The following LDB3 variants were observed in gnomAD, a reference collection of about 807,000 sequenced individuals.
The protein encoded by LDB3 is LIM domain binding 3, also known as LIM domain-binding protein 3.
LDB3 carries 49 observed loss-of-function variants against 69.0 expected under a neutral mutation model. The observed-to-expected ratio is 0.71, with a 90% CI of 0.56 to 0.90. The LOEUF (loss-of-function observed/expected upper bound fraction) is 0.90. Among genes scored for constraint, LDB3 ranks in the 40% least tolerant of loss-of-function variants. LDB3 has a pLI of 0.00. For synonymous variants in LDB3, 387 were observed against 396.2 expected (o/e 0.98, Z 0.28); for missense variants, 928 against 974.1 (o/e 0.95, Z 0.63).
At chr10:86,698,694 C>A (rs1368221296) in intron 7 of LDB3, among the ~76,000 whole-genome samples, 1 of 152,058 alleles carries the variant, frequency 6.6e-6, no homozygotes, top group East Asian at 1.9e-4. Flanking sequence ...TCAGGCCTGG[C>A]GAGCAGGGGT....
chr10:86,732,391 T>A (rs1847499090), intron 13 of LDB3: 1 of 385,872 alleles, frequency 2.6e-6, no homozygotes, highest in Non-Finnish European at 5.0e-6. Flanking sequence ...TCTTCAGGAA[T>A]CTTAGTTTTT....
rs539793135 is a variant in LDB3 at position 86,712,119 on chromosome 10, C to G, written c.1231+2069C>G. ...CGAAGCGCCACTGCCTGCTCGCCCC[C>G]CGACGGAGTCGGGGTTGCGACGGGG... On this transcript the variant is annotated intron_variant, in intron 9 of 13. Coordinates refer to ENST00000361373, the MANE Select transcript of LDB3 (RefSeq NM_007078.3). 1.2e-4 allele frequency among the ~76,000 whole-genome samples: 19 copies of G among 152,164 alleles called. No individual in the cohort carries two copies. In the South Asian group the frequency reaches 3.3e-3, roughly 27 times the overall value.
intron 2 of LDB3, among the ~76,000 whole-genome samples, chr10:86,678,340 CTT>C (rs59059288): frequency 3.5e-4 from 41 of 115,944 alleles, no homozygotes; most frequent in Middle Eastern, 7.9e-3. Context: ...CCTGGCCACC[CTT>C]TTTTTTTTTT....
At chr10:86,680,036 C>T in intron 3 of LDB3, 46 bp from the exon 4 acceptor site, 1 of 1,553,744 alleles carries the variant, frequency 6.4e-7, no homozygotes, top group Non-Finnish European at 8.9e-7. Context: ...GAGCTTCTGG[C>T]CCCAGGGGCA....
intron 3 of LDB3, 132 bp from the exon 4 acceptor site, chr10:86,679,950 G>A: frequency 1.3e-6 from 1 of 796,760 alleles, no homozygotes; most frequent in Non-Finnish European, 2.2e-6. Flanking sequence ...TGGATCTGGG[G>A]CCCTCTGACT....
intron 2 of LDB3, among the ~76,000 whole-genome samples, chr10:86,674,073 C>G (rs964590157): frequency 2.5e-4 from 38 of 152,278 alleles, no homozygotes; most frequent in African/African-American, 9.1e-4. Context: ...GCTCCTCAAG[C>G]TCCACCCTCT....
chr10:86,706,365 C>T (rs1325249856), intron 7 of LDB3, among the ~76,000 whole-genome samples, 166 bp from the exon 8 acceptor site: 2 of 152,198 alleles, frequency 1.3e-5, no homozygotes, highest in Non-Finnish European at 2.9e-5. Context: ...GGAGCTCCTT[C>T]CCTGAGCTGG....
intron 7 of LDB3, among the ~76,000 whole-genome samples, chr10:86,696,980 G>C (rs1203632641): frequency 6.6e-6 from 1 of 152,116 alleles, no homozygotes; most frequent in Non-Finnish European, 1.5e-5. Flanking sequence ...GTTAGCAGTG[G>C]GTCCCTTTTG....
Position 86,706,739 on chromosome 10 carries a change from T to C in LDB3, c.1085+20T>C, listed in dbSNP as rs1846460284. ...CCCAAGGTAACTGGGCCACAGGTGCTGGGCCTGACCCTGGGGAAGGGAGGC... is the reference window on the plus strand; with the variant it reads ...CCCAAGGTAACTGGGCCACAGGTGCCGGGCCTGACCCTGGGGAAGGGAGGC... On this transcript the variant is annotated intron_variant, in intron 8 of 13. Transcript: ENST00000361373. 3 of 1,601,168 alleles carry C rather than the reference T, an allele frequency of 1.9e-6. No individual in the cohort carries two copies. Among genetic ancestry groups the C allele is most frequent in the Admixed American group, 1.7e-5 (1 of 58,136 alleles).
intron 7 of LDB3, among the ~76,000 whole-genome samples, chr10:86,705,756 T>C (rs1016556447): frequency 1.3e-5 from 2 of 152,232 alleles, no homozygotes; most frequent in Non-Finnish European, 2.9e-5. Flanking sequence ...ACCATGTTCT[T>C]GTCACTCTTG....
intron 2 of LDB3, among the ~76,000 whole-genome samples, chr10:86,673,982 A>G (rs896697946): frequency 1.3e-5 from 2 of 152,056 alleles, no homozygotes; most frequent in Non-Finnish European, 2.9e-5. Context: ...TGGGCCTTGG[A>G]CAGAAGTTTC....
rs35507268 is a variant in LDB3 at position 86,681,466 on chromosome 10, G to A, written c.352G>A (p.Val118Met). The A allele has an allele frequency of 5.9e-3, 9,535 of 1,606,432 alleles. 34 individuals carry two copies. The highest frequency in any genetic ancestry group is 7.2e-3 in the Non-Finnish European group (8,497 of 1,179,814). Residue 118 changes from valine (V) to methionine (M), a missense_variant, in exon 5 of 14, where the codon GTG becomes ATG. Physicochemically the swap from Val to Met is conservative, Grantham distance 21. Coordinates refer to ENST00000361373, the MANE Select transcript of LDB3 (RefSeq NM_007078.3). ...DPALDTNGSL[V>M]APSPSPEARA... ...CGCTCTGGACACGAACGGCAGCCTGGTGGCACCCAGCCCCAGCCCTGAGGC... is the reference window on the plus strand; with the variant it reads ...CGCTCTGGACACGAACGGCAGCCTGATGGCACCCAGCCCCAGCCCTGAGGC...
intron 2 of LDB3, among the ~76,000 whole-genome samples, chr10:86,678,183 G>A: frequency 6.6e-6 from 1 of 152,002 alleles, no homozygotes; most frequent in East Asian, 1.9e-4. Context: ...GAGTAGCTGA[G>A]ACTACAGGCA....
intron 8 of LDB3, among the ~76,000 whole-genome samples, 183 bp from the exon 9 acceptor site, chr10:86,709,722 A>AACAT (rs1846568214): frequency 6.6e-6 from 1 of 152,162 alleles, no homozygotes; most frequent in Admixed American, 6.5e-5. Flanking sequence ...CCACCCAAGG[A>AACAT]ACATCCTCCT....
rs774313535 is a variant in LDB3, at chr10:86,716,540, C to T, written c.1445C>T (p.Ala482Val). 33 of 1,613,280 alleles carry T rather than the reference C, an allele frequency of 2.0e-5. No homozygotes were observed. The highest frequency in any genetic ancestry group is 1.7e-4 in the African/African-American group (13 of 74,646). The change falls in exon 10 of 14, where the codon GCG (alanine) becomes GTG (valine). Residue 482 changes from alanine (A) to valine (V), a missense_variant. Coordinates refer to ENST00000361373, the MANE Select transcript of LDB3 (RefSeq NM_007078.3). ...APSVAYSGGP[A>V]EPASRPPWVT... ...TCGGTGGCCTACAGCGGGGGCCCTG[C>T]GGAGCCTGCCAGCCGTCCACCCTGG...
chr10:86,702,536 C>CT (rs1846303883), intron 7 of LDB3, among the ~76,000 whole-genome samples: 1 of 152,206 alleles, frequency 6.6e-6, no homozygotes, highest in Non-Finnish European at 1.5e-5. Flanking sequence ...CGCCAACCCC[C>CT]CATGGAGCCA....
chr10:86,682,903 C>T (rs1180941738), intron 5 of LDB3, among the ~76,000 whole-genome samples: 2 of 152,192 alleles, frequency 1.3e-5, no homozygotes, highest in Non-Finnish European at 2.9e-5. Context: ...CACCTGTGCC[C>T]CATCAGGTCA....
intron 5 of LDB3, chr10:86,687,002 T>C (rs1845513656): frequency 1.3e-6 from 2 of 1,501,442 alleles, no homozygotes; most frequent in African/African-American, 1.4e-5. Flanking sequence ...TGGCCACCCA[T>C]GTAACCGCCA....
intron 12 of LDB3, among the ~76,000 whole-genome samples, chr10:86,722,533 T>C (rs1264173915): frequency 1.4e-5 from 2 of 147,806 alleles, no homozygotes; most frequent in East Asian, 4.1e-4. Flanking sequence ...GTGCTGGGAT[T>C]ACAGGCGTGA....
Sources: gnomAD v4.1 joint callset for allele counts (sites outside exome capture counted in the v4.1 genomes callset) on GRCh38, gnomAD v4.1.1 for gene constraint, MANE v1.5 for transcripts, NCBI Gene and HGNC (gene_info 2026-07-23, HGNC 2026-07-21) for gene names.